PTPN7: variants seen among roughly 807,000 people sequenced by gnomAD.
The protein encoded by PTPN7 is tyrosine-protein phosphatase non-receptor type 7.
In PTPN7, 33 loss-of-function variants were observed where a neutral mutation model predicts 50.3. That is an observed-to-expected ratio of 0.66 (90% CI 0.50 to 0.88). The LOEUF (loss-of-function observed/expected upper bound fraction) is 0.88. PTPN7 is among the 40% of genes least tolerant of loss of function. PTPN7 has a pLI of 0.00. For missense variants in PTPN7, 412 were observed against 475.4 expected (o/e 0.87, Z 1.24); for synonymous variants, 185 against 186.6 (o/e 0.99, Z 0.07).
intron 2 of PTPN7, 26 bp from the exon 3 acceptor site, chr1:202,158,327 A>G: frequency 6.2e-7 from 1 of 1,606,210 alleles, no homozygotes; most frequent in Admixed American, 1.7e-5. Context: ...ACCACTGCCT[A>G]GTGAGCACCC....
rs1016756821 is a variant in PTPN7 at position 202,157,593 on chromosome 1, T to C, written c.391+146A>G. On this transcript the variant is annotated intron_variant, in intron 4 of 9. Transcript: ENST00000691036. The stretch of plus-strand genomic sequence containing the variant: ...TTATTATTGCTGCTGTTGTGATTCT[T>C]GCTCCTTCTTCCCCCTTTCTCTGCT... The C allele has an allele frequency of 8.8e-6, 6 of 683,970 alleles. No individual in the cohort carries two copies. In the African/African-American group the frequency reaches 1.1e-4, roughly 12 times the overall value. The allele number at this position is 683,970 out of a possible 1,614,324, so 42.4% of individuals were successfully genotyped here. A position where few individuals can be genotyped will look rare whatever the true frequency, so the allele number is the denominator to read the frequency against.
Position 202,160,514 on chromosome 1 carries a change from A to C in PTPN7, c.-53+31T>G. ...CGGAGTTCGCACCCCCCGGGGCCAC[A>C]GGACTCCCAGTCCCCCCTTCAGATA... On this transcript the variant is annotated intron_variant, in intron 1 of 9. Coordinates refer to ENST00000691036, the MANE Select transcript of PTPN7 (RefSeq NM_002832.4). This position sits in a 1 kb window ranked among gnomAD's most constrained non-coding sequence, Gnocchi z 4.8. The C allele has an allele frequency of 6.5e-7, 1 of 1,528,870 alleles. No individual in the cohort carries two copies. Among genetic ancestry groups the C allele is most frequent in the Non-Finnish European group, 8.8e-7 (1 of 1,130,788 alleles). 94.7% of individuals were successfully genotyped at this position (1,528,870 alleles called of 1,614,324 possible). A position where few individuals can be genotyped will look rare whatever the true frequency, so the allele number is the denominator to read the frequency against.
rs1361866853 is a variant in PTPN7 at position 202,159,786 on chromosome 1, G to A, written c.-52-332C>T. 1.3e-5 allele frequency: 16 copies of A among 1,223,796 alleles called. No homozygotes were observed. Among genetic ancestry groups the A allele is most frequent in the Non-Finnish European group, 1.5e-5 (15 of 979,820 alleles). 75.8% of individuals were successfully genotyped at this position (1,223,796 alleles called of 1,614,324 possible). A position where few individuals can be genotyped will look rare whatever the true frequency, so the allele number is the denominator to read the frequency against. Reference sequence around the variant, plus strand: ...GGTCCAAGTGGGAGAAGGCAAGGGAGGAAACAGAAAATATGTGTTCTCTAG... The same window carrying A: ...GGTCCAAGTGGGAGAAGGCAAGGGAAGAAACAGAAAATATGTGTTCTCTAG... On this transcript the variant is annotated intron_variant, in intron 1 of 9. Transcript: ENST00000691036. The surrounding 1 kb of genome is among the most constrained non-coding windows in gnomAD (Gnocchi z 4.6).
chr1:202,155,450 T>A lies in PTPN7; in HGVS notation c.468+83A>T. 4 of 1,350,620 alleles carry A rather than the reference T, an allele frequency of 3.0e-6. No individual in the cohort carries two copies. In the Admixed American group the frequency reaches 7.5e-5, roughly 25 times the overall value. The allele number at this position is 1,350,620 out of a possible 1,614,324, so 83.7% of individuals were successfully genotyped here. The stretch of plus-strand genomic sequence containing the variant: ...GAGGGTAGGAAATGCAGGCACCTGA[T>A]CCACCAGCCATGGCTGGAAGATATT... On this transcript the variant is annotated intron_variant, in intron 5 of 9. Transcript: ENST00000691036.
chr1:202,159,201 T>C lies in PTPN7; in HGVS notation c.122+80A>G. On this transcript the variant is annotated intron_variant, in intron 2 of 9. Transcript: ENST00000691036. This position sits in a 1 kb window ranked among gnomAD's most constrained non-coding sequence, Gnocchi z 4.6. ...GCCCTCTGGACCCTGCTGTCAGAGC[T>C]GGAGGGGCAGATGGAAGGAAGGGAG... The C allele has an allele frequency of 7.0e-7, 1 of 1,425,356 alleles. No individual in the cohort carries two copies. 88.3% of individuals were successfully genotyped at this position (1,425,356 alleles called of 1,614,324 possible). A position where few individuals can be genotyped will look rare whatever the true frequency, so the allele number is the denominator to read the frequency against.
intron 6 of PTPN7, 73 bp from the exon 7 acceptor site, chr1:202,153,908 T>G (rs927851838): frequency 9.5e-6 from 12 of 1,267,540 alleles, no homozygotes; most frequent in African/African-American, 1.5e-5. Flanking sequence ...GAGGGGCTGG[T>G]ATCTCCTCCC....
Position 202,154,446 on chromosome 1 carries a change from A to G in PTPN7, c.469-123T>C, listed in dbSNP as rs1016222943. The G allele has an allele frequency of 7.0e-6, 8 of 1,137,558 alleles. No individual in the cohort carries two copies. In the African/African-American group the frequency reaches 1.2e-4, roughly 18 times the overall value. The allele number at this position is 1,137,558 out of a possible 1,614,324, so 70.5% of individuals were successfully genotyped here. ...GTGAACCACACGTGTAGACGTACAC[A>G]TGCACGAACACGCACACTCAGAAGC... On this transcript the variant is annotated intron_variant, in intron 5 of 9. Transcript: ENST00000691036.
chr1:202,158,299 C>T lies in PTPN7; in HGVS notation c.125G>A (p.Arg42Gln), dbSNP rs138600633. Residue 42 changes from arginine (R) to glutamine (Q), a missense_variant and splice_region_variant, in exon 3 of 10, where the codon CGG becomes CAG. Arg to Gln is a conservative substitution (Grantham distance 43). Transcript: ENST00000691036. ...AKKHVRLQER[R>Q]GSNVALMLDV... ...CAGCATCAGAGCCACATTGGAGCCC[C>T]GCCTGCAGGCATAGCCCACCACTGC... 3.7e-5 allele frequency: 60 copies of T among 1,613,794 alleles called. No individual in the cohort carries two copies. Among genetic ancestry groups the T allele is most frequent in the South Asian group, 1.1e-4 (10 of 91,078 alleles).
At chr1:202,155,631 A>C (rs1656576281) in intron 4 of PTPN7, 22 bp from the exon 5 acceptor site, 1 of 1,526,440 alleles carries the variant, frequency 6.6e-7, no homozygotes, top group African/African-American at 1.4e-5. Context: ...AAATCAGCAG[A>C]GGTCAGAGGT....
Position 202,148,531 on chromosome 1 carries a change from C to A in PTPN7, c.*75G>T. 7.3e-7 allele frequency: 1 copy of A among 1,369,084 alleles called. No homozygotes were observed. The allele number at this position is 1,369,084 out of a possible 1,614,324, so 84.8% of individuals were successfully genotyped here. Reference sequence around the variant, plus strand: ...ACCCAAGGGGTACCCCCAGATCACTCGGCCCACTTTCCCCAGACCCACCTT... The same window carrying A: ...ACCCAAGGGGTACCCCCAGATCACTAGGCCCACTTTCCCCAGACCCACCTT... On this transcript the variant is annotated 3_prime_UTR_variant, in exon 10 of 10. Coordinates refer to ENST00000691036, the MANE Select transcript of PTPN7 (RefSeq NM_002832.4).
chr1:202,158,908 G>A (rs1209998976), intron 2 of PTPN7: 3 of 210,056 alleles, frequency 1.4e-5, no homozygotes, highest in Admixed American at 1.0e-4. Context: ...TTGGGCATGA[G>A]CTACCATGCC....
rs1046835082 is a variant in PTPN7, at chr1:202,160,444, A to T, written c.-53+101T>A. The T allele has an allele frequency of 3.2e-6, 4 of 1,244,910 alleles. No individual in the cohort carries two copies. The highest frequency in any genetic ancestry group is 4.5e-6 in the Non-Finnish European group (4 of 897,822). 77.1% of individuals were successfully genotyped at this position (1,244,910 alleles called of 1,614,324 possible). A position where few individuals can be genotyped will look rare whatever the true frequency, so the allele number is the denominator to read the frequency against. Reference sequence around the variant, plus strand: ...CCCCAGCCAGGCACTGTGGCGCCCCACTCGCCCTCCCGCACTCCCTCCTAG... The same window carrying T: ...CCCCAGCCAGGCACTGTGGCGCCCCTCTCGCCCTCCCGCACTCCCTCCTAG... On this transcript the variant is annotated intron_variant, in intron 1 of 9. Transcript: ENST00000691036. The surrounding 1 kb of genome is among the most constrained non-coding windows in gnomAD (Gnocchi z 4.8).
At position 202,160,026 on chromosome 1, in the gene PTPN7, G is replaced by A; in HGVS notation, c.-53+519C>T. 1.0e-6 allele frequency: 1 copy of A among 980,168 alleles called. No homozygotes were observed. The highest frequency in any genetic ancestry group is 1.2e-6 in the Non-Finnish European group (1 of 821,498). The allele number at this position is 980,168 out of a possible 1,614,324, so 60.7% of individuals were successfully genotyped here. A position where few individuals can be genotyped will look rare whatever the true frequency, so the allele number is the denominator to read the frequency against. ...TCTCTGTCCAGGGAGGTAGGCTGGA[G>A]GTGTTTCCTTCCTCCTCCTGCCCAT... On this transcript the variant is annotated intron_variant, in intron 1 of 9. Coordinates refer to ENST00000691036, the MANE Select transcript of PTPN7 (RefSeq NM_002832.4). This position sits in a 1 kb window ranked among gnomAD's most constrained non-coding sequence, Gnocchi z 4.8.
intron 8 of PTPN7, among the ~76,000 whole-genome samples, chr1:202,150,787 A>T (rs1438436674): frequency 6.6e-6 from 1 of 151,796 alleles, no homozygotes; most frequent in Non-Finnish European, 1.5e-5. Flanking sequence ...TCCTTATCTA[A>T]CCTTGACTTC....
chr1:202,160,404 C>T lies in PTPN7; in HGVS notation c.-53+141G>A. 1 of 856,192 alleles carries T rather than the reference C, an allele frequency of 1.2e-6. No individual in the cohort carries two copies. Among genetic ancestry groups the T allele is most frequent in the Non-Finnish European group, 1.8e-6 (1 of 556,438 alleles). 53.0% of individuals were successfully genotyped at this position (856,192 alleles called of 1,614,324 possible). On this transcript the variant is annotated intron_variant, in intron 1 of 9. Coordinates refer to ENST00000691036, the MANE Select transcript of PTPN7 (RefSeq NM_002832.4). This position sits in a 1 kb window ranked among gnomAD's most constrained non-coding sequence, Gnocchi z 4.8. ...CACCCCCGTCTTGGGGACATCAGGTCTGTGAGCACCCATACCCCAGCCAGG... is the reference window on the plus strand; with the variant it reads ...CACCCCCGTCTTGGGGACATCAGGTTTGTGAGCACCCATACCCCAGCCAGG...
chr1:202,149,927 G>A (rs1423244608), intron 9 of PTPN7: 7 of 156,482 alleles, frequency 4.5e-5, no homozygotes, highest in African/African-American at 1.7e-4. Context: ...CCACCTCCTG[G>A]GTTCAAGCAA....
chr1:202,159,353 G>A lies in PTPN7; in HGVS notation c.50C>T (p.Ser17Phe). 6.2e-7 allele frequency: 1 copy of A among 1,614,204 alleles called. No individual in the cohort carries two copies. Among genetic ancestry groups the A allele is most frequent in the Non-Finnish European group, 8.5e-7 (1 of 1,180,032 alleles). Residue 17 changes from serine to phenylalanine, a missense_variant, in exon 2 of 10, where the codon TCT (serine) becomes TTT (phenylalanine). Ser to Phe is a radical substitution (Grantham distance 155, BLOSUM62 -2). Transcript: ENST00000691036. The surrounding 1 kb of genome is among the most constrained non-coding windows in gnomAD (Gnocchi z 4.6). ...AGGCTGGGTCATGGCTGCCCCCAAA[G>A]ACAAGGTCAACGGCTGTGCTCTGGA... ...GRSRAQPLTL[S>F]LGAAMTQPPP...
At position 202,159,435 on chromosome 1, in the gene PTPN7, C is replaced by T. The variant is rs747215871; in HGVS notation, c.-33G>A. 2.5e-6 allele frequency: 4 copies of T among 1,613,964 alleles called. No individual in the cohort carries two copies. Among genetic ancestry groups the T allele is most frequent in the South Asian group, 2.2e-5 (2 of 91,080 alleles). On this transcript the variant is annotated 5_prime_UTR_variant, in exon 2 of 10. An upstream open reading frame in the 5' UTR loses its in-frame stop. Coordinates refer to ENST00000691036, the MANE Select transcript of PTPN7 (RefSeq NM_002832.4). This position sits in a 1 kb window ranked among gnomAD's most constrained non-coding sequence, Gnocchi z 4.6. The stretch of plus-strand genomic sequence containing the variant: ...TGGGGTGCTGGGCCCAGGGGAGGCT[C>T]ACTCAGCCATGAGGTCTGCCTGAAA...
At chr1:202,157,973 G>A in intron 3 of PTPN7, 145 bp downstream of exon 3, 1 of 1,257,194 alleles carries the variant, frequency 8.0e-7, no homozygotes. Context: ...GAAGCCTGGG[G>A]GCAGCCCCTC....
Sources: allele counts gnomAD v4.1 joint callset (sites outside exome capture counted in the v4.1 genomes callset), GRCh38; gene constraint gnomAD v4.1.1; non-coding constraint Gnocchi (gnomAD v3.1); transcripts MANE v1.5; gene names NCBI Gene and HGNC (gene_info 2026-07-23, HGNC 2026-07-21).